Variants in SLC35A5 observed in about 807,000 individuals in gnomAD.
SLC35A5 encodes the protein UDP-sugar transporter protein SLC35A5.
Under a neutral mutation model 36.3 loss-of-function variants are expected in SLC35A5, and 28 were observed. That is an observed-to-expected ratio of 0.77 (90% CI 0.57 to 1.06). The LOEUF (loss-of-function observed/expected upper bound fraction) is 1.06. SLC35A5 is among the 50% of genes least tolerant of loss of function. The probability of loss-of-function intolerance (pLI) is 0.00; values close to 1 mark genes in which losing one functional copy is unlikely to be tolerated. For missense variants in SLC35A5, 521 were observed against 499.3 expected (o/e 1.04, Z -0.41); for synonymous variants, 180 against 173.7 (o/e 1.04, Z -0.29).
In SLC35A5 at chr3:112,580,744, A is replaced by G. The variant is rs1287646880; in HGVS notation, c.627A>G (p.Glu209=). 1 of 1,614,064 alleles carries G rather than the reference A, an allele frequency of 6.2e-7. No individual in the cohort carries two copies. Among genetic ancestry groups the G allele is most frequent in the East Asian group, 2.2e-5 (1 of 44,896 alleles). ...GAAAAGACAATTGTACAGCAAAGGA[A>G]TGGACTTTTCCTGAAGCTAAATGGA... ...CPRKDNCTAK[E]WTFPEAKWNT... The change falls in exon 6 of 7, where the codon GAA becomes GAG. Residue 209 remains glutamate (E), a synonymous_variant. Coordinates refer to ENST00000492406, the MANE Select transcript of SLC35A5 (RefSeq NM_017945.5).
upstream of SLC35A5, chr3:112,561,865 G>C: frequency 3.3e-6 from 1 of 300,762 alleles, no homozygotes; most frequent in Non-Finnish European, 6.2e-6. Context: ...TCTGCGAGCT[G>C]TCTGTCCTCG....
intron 4 of SLC35A5, among the ~76,000 whole-genome samples, chr3:112,572,208 C>T (rs542463554): frequency 1.3e-5 from 2 of 151,680 alleles, no homozygotes. Context: ...TCCCAAAGTG[C>T]TGGGATTACA....
chr3:112,581,181 C>A lies in SLC35A5; in HGVS notation c.1064C>A (p.Pro355His). The change falls in exon 6 of 7, where the codon CCC becomes CAC. Residue 355 changes from proline (P) to histidine (H), a missense_variant. Transcript: ENST00000492406. ...TVSVLVFDFRPSLEFFLEAPS... is the reference protein window; with the variant it reads ...TVSVLVFDFRHSLEFFLEAPS... Reference sequence around the variant, plus strand: ...TCTGTCCTGGTCTTTGACTTCAGGCCCTCCCTGGAATTTTTCTTGGAAGCC... The same window carrying A: ...TCTGTCCTGGTCTTTGACTTCAGGCACTCCCTGGAATTTTTCTTGGAAGCC... 2 of 1,613,820 alleles carry A rather than the reference C, an allele frequency of 1.2e-6. No individual in the cohort carries two copies. The highest frequency in any genetic ancestry group is 1.7e-6 in the Non-Finnish European group (2 of 1,179,916).
At chr3:112,568,658 C>A (rs906123806) in intron 2 of SLC35A5, among the ~76,000 whole-genome samples, 13 of 152,136 alleles carry the variant, frequency 8.5e-5, no homozygotes, top group Admixed American at 7.9e-4. Flanking sequence ...TCCCAGAGTG[C>A]CAAACAAATA....
chr3:112,571,917 T>C (rs1934455823), intron 4 of SLC35A5, among the ~76,000 whole-genome samples: 2 of 143,102 alleles, frequency 1.4e-5, no homozygotes, highest in Admixed American at 7.5e-5. Flanking sequence ...TGTTTGACTT[T>C]CCACAGTTTT....
chr3:112,584,168 G>A lies in SLC35A5; in HGVS notation c.*1432G>A, dbSNP rs1352246502. ...AATTATTAAACCTATGTCTTGTGTT[G>A]CCACTCTGTCATTTAGGGTGGGATG... is the stretch of plus-strand genomic sequence containing the variant. On this transcript the variant is annotated 3_prime_UTR_variant, in exon 7 of 7. Transcript: ENST00000492406. The A allele has an allele frequency of 1.3e-5, 2 of 152,062 alleles. No homozygotes were observed. The highest frequency in any genetic ancestry group is 2.9e-5 in the Non-Finnish European group (2 of 67,994). The allele number at this position is 152,062 out of a possible 1,614,324, so 9.4% of individuals were successfully genotyped here.
At position 112,573,920 on chromosome 3, in the gene SLC35A5, T is replaced by G. The variant is rs1297419852; in HGVS notation, c.392T>G (p.Ile131Ser). 1.2e-6 allele frequency: 2 copies of G among 1,613,556 alleles called. No individual in the cohort carries two copies. Among genetic ancestry groups the G allele is most frequent in the African/African-American group, 1.3e-5 (1 of 75,048 alleles). Residue 131 changes from isoleucine (I) to serine (S), a missense_variant, in exon 5 of 7, where the codon ATT (isoleucine) becomes AGT (serine). Coordinates refer to ENST00000492406, the MANE Select transcript of SLC35A5 (RefSeq NM_017945.5). The stretch of plus-strand genomic sequence containing the variant: ...GCTGTTATCTTCTCAAATTTTAGCA[T>G]TATAACAACAGCTCTTCTATTCAGG... ...AMAVIFSNFS[I>S]ITTALLFRIV...
chr3:112,568,632 C>G (rs940037153), intron 2 of SLC35A5, among the ~76,000 whole-genome samples: 14 of 152,306 alleles, frequency 9.2e-5, no homozygotes, highest in African/African-American at 3.1e-4. Flanking sequence ...CCTTCTTTAC[C>G]TCAGTGTACC....
intron 4 of SLC35A5, 40 bp downstream of exon 4, chr3:112,570,710 C>G (rs1934400750): frequency 3.3e-6 from 5 of 1,495,712 alleles, no homozygotes; most frequent in Non-Finnish European, 4.4e-6. Context: ...TGAAAAGATA[C>G]AGAGAAATAA....
Position 112,574,026 on chromosome 3 carries a change from C to A in SLC35A5, c.428+70C>A. ...ATAGCCCGGTTTCAAATGATATACC[C>A]AGAACACTGAGCCGTCAGAATCCCA... is the stretch of plus-strand genomic sequence containing the variant. On this transcript the variant is annotated intron_variant, in intron 5 of 6. Coordinates refer to ENST00000492406, the MANE Select transcript of SLC35A5 (RefSeq NM_017945.5). The A allele has an allele frequency of 3.8e-6, 5 of 1,323,838 alleles. No individual in the cohort carries two copies. The South Asian group carries it at 6.1e-5, about 16-fold the overall frequency. 82.0% of individuals were successfully genotyped at this position (1,323,838 alleles called of 1,614,324 possible).
At chr3:112,568,475 A>G (rs1432452040) in intron 2 of SLC35A5, among the ~76,000 whole-genome samples, 2 of 152,184 alleles carry the variant, frequency 1.3e-5, no homozygotes, top group Non-Finnish European at 1.5e-5. Flanking sequence ...AGTCATACCA[A>G]CCAAACCTCA....
rs1022767489 is a variant in SLC35A5 at position 112,583,376 on chromosome 3, G to A, written c.*640G>A. ...GAAATTCATGGGAAATTGGATTTTT[G>A]TAATAATCTTTTGATGTTTTAAACA... On this transcript the variant is annotated 3_prime_UTR_variant, in exon 7 of 7. Transcript: ENST00000492406. The A allele has an allele frequency of 1.4e-5, 5 of 364,888 alleles. No homozygotes were observed. Among genetic ancestry groups the A allele is most frequent in the Admixed American group, 4.6e-5 (1 of 21,708 alleles). The allele number at this position is 364,888 out of a possible 1,614,324, so 22.6% of individuals were successfully genotyped here. A position where few individuals can be genotyped will look rare whatever the true frequency, so the allele number is the denominator to read the frequency against.
chr3:112,564,298 C>G (rs907124469), intron 2 of SLC35A5: 1 of 152,066 alleles, frequency 6.6e-6, no homozygotes, highest in Non-Finnish European at 1.5e-5. Context: ...GTGGCAGGAT[C>G]ATAGGATAGT....
At chr3:112,577,478 A>G (rs943630971) in intron 5 of SLC35A5, among the ~76,000 whole-genome samples, 1 of 152,258 alleles carries the variant, frequency 6.6e-6, no homozygotes, top group African/African-American at 2.4e-5. Flanking sequence ...GGTAGCAGGC[A>G]TTATGCCTTG....
chr3:112,578,595 G>C (rs551005328), intron 5 of SLC35A5, among the ~76,000 whole-genome samples: 1 of 152,036 alleles, frequency 6.6e-6, no homozygotes, highest in African/African-American at 2.4e-5. Context: ...GACTTTACAG[G>C]GTAATTTATT....
upstream of SLC35A5, chr3:112,561,520 A>T (rs1933879222): frequency 1.9e-6 from 3 of 1,584,502 alleles, no homozygotes; most frequent in Non-Finnish European, 2.6e-6. Flanking sequence ...TATTAATCAC[A>T]TTCTGCATCC....
chr3:112,567,250 A>G (rs1934238472), intron 2 of SLC35A5, among the ~76,000 whole-genome samples: 1 of 151,818 alleles, frequency 6.6e-6, no homozygotes, highest in African/African-American at 2.4e-5. Context: ...AAAAACAGAC[A>G]AACAAACAAA....
rs760238116 is a variant in SLC35A5, at chr3:112,581,105, A to G, written c.988A>G (p.Met330Val). ...VAFILKFLDN[M>V]FHVLMAQVTT... ...TTTCATTCTGAAGTTCCTGGATAAC[A>G]TGTTCCATGTCTTGATGGCCCAGGT... The change falls in exon 6 of 7, where the codon ATG becomes GTG. Residue 330 changes from methionine to valine, a missense_variant. Transcript: ENST00000492406. 5 of 1,613,804 alleles carry G rather than the reference A, an allele frequency of 3.1e-6. No individual in the cohort carries two copies. The African/African-American group carries it at 4.0e-5, about 13-fold the overall frequency.
chr3:112,564,626 T>G (rs897528542), intron 2 of SLC35A5, among the ~76,000 whole-genome samples: 1 of 152,132 alleles, frequency 6.6e-6, no homozygotes, highest in African/African-American at 2.4e-5. Flanking sequence ...CACAGACCCT[T>G]TACAGGTGTC....
Sources: allele counts gnomAD v4.1 joint callset (sites outside exome capture counted in the v4.1 genomes callset), GRCh38; gene constraint gnomAD v4.1.1; transcripts MANE v1.5; gene names NCBI Gene and HGNC (gene_info 2026-07-23, HGNC 2026-07-21).